Variants in STON1 observed in about 807,000 individuals in gnomAD.
STON1 encodes stonin-1.
In STON1, 79 loss-of-function variants were observed where a neutral mutation model predicts 60.9. The ratio of observed to expected loss-of-function variants is 1.30; its 90% CI spans 1.08 to 1.56. The LOEUF (loss-of-function observed/expected upper bound fraction) is 1.56, where lower values mean the gene tolerates loss of function less well. Among genes scored for constraint, STON1 ranks in the 40% most tolerant of loss-of-function variants. STON1 has a pLI of 0.00. For synonymous variants in STON1, 363 were observed against 306.9 expected, an observed-to-expected ratio of 1.18 and a Z score of -1.91; for missense variants, 1,166 against 858.9, an observed-to-expected ratio of 1.36 and a Z score of -4.47.
At chr2:48,552,888 A>T (rs1195173322) in intron 1 of STON1, among the ~76,000 whole-genome samples, 1 of 152,218 alleles carries the variant, frequency 6.6e-6, no homozygotes, top group East Asian at 1.9e-4. Context: ...ACAATTTAAT[A>T]TTTTCTCTTC....
At chr2:48,559,448 G>T (rs1384157244) in intron 1 of STON1, among the ~76,000 whole-genome samples, 1 of 152,068 alleles carries the variant, frequency 6.6e-6, no homozygotes, top group Non-Finnish European at 1.5e-5. Context: ...GGGCCTCTTT[G>T]ATAAAGACAC....
intron 1 of STON1, among the ~76,000 whole-genome samples, chr2:48,579,457 C>G (rs925855225): frequency 6.6e-6 from 1 of 152,036 alleles, no homozygotes; most frequent in African/African-American, 2.4e-5. Flanking sequence ...TTCTAATTTC[C>G]TTTTTTATTT....
intron 1 of STON1, among the ~76,000 whole-genome samples, chr2:48,559,081 T>A (rs1397638051): frequency 1.3e-5 from 2 of 152,164 alleles, no homozygotes; most frequent in African/African-American, 4.8e-5. Context: ...TCTGAAAACA[T>A]CTGAAATCTG....
At chr2:48,557,951 G>A (rs943000275) in intron 1 of STON1, among the ~76,000 whole-genome samples, 9 of 152,176 alleles carry the variant, frequency 5.9e-5, no homozygotes, top group African/African-American at 1.9e-4. Flanking sequence ...TGTCAGGTGC[G>A]GTGGCTCATG....
At position 48,591,704 on chromosome 2, in the gene STON1, A is replaced by C. The variant is rs1229703010; in HGVS notation, c.1982A>C (p.Gln661Pro). ...LSYKLELGSDQEIPSDWYPFA... is the reference protein window; with the variant it reads ...LSYKLELGSDPEIPSDWYPFA... ...TACAAATTAGAGCTTGGATCAGACC[A>C]AGAAATTCCCTCTGATTGGTATCCA... The change falls in exon 3 of 4, where the codon CAA becomes CCA. Residue 661 changes from glutamine to proline, a missense_variant. Gln to Pro is a moderately conservative substitution (Grantham distance 76, BLOSUM62 -1). Transcript: ENST00000404752. 1.9e-6 allele frequency: 3 copies of C among 1,614,176 alleles called. No individual in the cohort carries two copies. Among genetic ancestry groups the C allele is most frequent in the Non-Finnish European group, 8.5e-7 (1 of 1,180,026 alleles).
chr2:48,593,010 C>G (rs1674612805), intron 3 of STON1, among the ~76,000 whole-genome samples: 1 of 152,152 alleles, frequency 6.6e-6, no homozygotes. Flanking sequence ...TGTTTCTAAA[C>G]TTGTTTTCCC....
In STON1 at chr2:48,596,885, C is replaced by G. The variant is rs918862221; in HGVS notation, c.*1583C>G. On this transcript the variant is annotated 3_prime_UTR_variant, in exon 4 of 4. Transcript: ENST00000404752. ...ACTTTTTTTGAGACAGAGTCTCACT[C>G]TGTTGCCCAGCCTGGAGTGCAGTGT... 1 of 152,292 alleles carries G rather than the reference C, an allele frequency of 6.6e-6. No individual in the cohort carries two copies. The highest frequency in any genetic ancestry group is 1.9e-4 in the East Asian group (1 of 5,186). 9.4% of individuals were successfully genotyped at this position (152,292 alleles called of 1,614,324 possible). A position where few individuals can be genotyped will look rare whatever the true frequency, so the allele number is the denominator to read the frequency against.
At chr2:48,549,256 A>T (rs1224968560) in intron 1 of STON1, among the ~76,000 whole-genome samples, 1 of 152,212 alleles carries the variant, frequency 6.6e-6, no homozygotes, top group Non-Finnish European at 1.5e-5. Context: ...TTTTTCAAAG[A>T]AACTTTCAAG....
At chr2:48,572,544 G>C (rs1339090006) in intron 1 of STON1, among the ~76,000 whole-genome samples, 3 of 152,152 alleles carry the variant, frequency 2.0e-5, no homozygotes, top group East Asian at 1.9e-4. Context: ...CTTTTCTCCT[G>C]CTTATGGAAA....
chr2:48,572,172 C>G (rs185366343), intron 1 of STON1, among the ~76,000 whole-genome samples: 402 of 152,010 alleles, frequency 2.6e-3, no homozygotes, highest in Non-Finnish European at 4.9e-3. Context: ...CTGGAAAAAA[C>G]AAAAAGGATT....
At chr2:48,592,968 AGAT>A (rs1674610578) in intron 3 of STON1, among the ~76,000 whole-genome samples, 1 of 152,092 alleles carries the variant, frequency 6.6e-6, no homozygotes, top group African/African-American at 2.4e-5. Context: ...ATTCTTAGGC[AGAT>A]GAACTAAAGG....
At chr2:48,584,582 T>C (rs1046047690) in intron 2 of STON1, among the ~76,000 whole-genome samples, 42 of 151,346 alleles carry the variant, frequency 2.8e-4, no homozygotes, top group African/African-American at 9.9e-4. Flanking sequence ...CTGACTATAT[T>C]AGAATAACTT....
rs769953627 is a variant in STON1 at position 48,582,136 on chromosome 2, C to T, written c.1503C>T (p.Ile501=). Residue 501 remains isoleucine, a synonymous_variant, in exon 2 of 4, where the codon ATC becomes ATT. Transcript: ENST00000404752. ...TACAAGAATTTGAGCAATCAAGAAT[C>T]ATTAAGTTTGTACCTCTGGATGCCT... The part of the protein sequence containing the change: ...VNVQEFEQSR[I]IKFVPLDACR... 6.2e-7 allele frequency: 1 copy of T among 1,614,196 alleles called. No individual in the cohort carries two copies. Among genetic ancestry groups the T allele is most frequent in the Non-Finnish European group, 8.5e-7 (1 of 1,180,036 alleles).
chr2:48,564,549 CTTCTTCTTCTT>C (rs1672824579), intron 1 of STON1, among the ~76,000 whole-genome samples: 2 of 53,772 alleles, frequency 3.7e-5, no homozygotes, highest in Non-Finnish European at 7.6e-5. Flanking sequence ...TCTTCTTCTT[CTTCTTCTTCTT>C]CTTCTTCTCC....
Position 48,581,169 on chromosome 2 carries a change from A to T in STON1, c.536A>T (p.Asp179Val). 6.5e-7 allele frequency: 1 copy of T among 1,545,656 alleles called. No homozygotes were observed. The highest frequency in any genetic ancestry group is 8.7e-7 in the Non-Finnish European group (1 of 1,153,354). ...CCCCAGTTTCAGTATTTTCGAGAGG[A>T]CTGTGCTTTTTCAAGTCCATTTTGG... ...DLPQFQYFRE[D>V]CAFSSPFWKD... is the part of the protein sequence containing the mutation. The change falls in exon 2 of 4, where the codon GAC (aspartate) becomes GTC (valine). Residue 179 changes from aspartate to valine, a missense_variant. Asp to Val is a radical substitution (Grantham distance 152). Coordinates refer to ENST00000404752, the MANE Select transcript of STON1 (RefSeq NM_006873.4).
chr2:48,548,712 C>A (rs1318654592), intron 1 of STON1, among the ~76,000 whole-genome samples: 3 of 152,038 alleles, frequency 2.0e-5, no homozygotes, highest in African/African-American at 7.2e-5. Context: ...GTTGCCCAGG[C>A]TGGTCTTGAA....
intron 1 of STON1, among the ~76,000 whole-genome samples, chr2:48,559,244 C>G (rs866307776): frequency 6.6e-6 from 1 of 152,150 alleles, no homozygotes; most frequent in Non-Finnish European, 1.5e-5. Context: ...GTCTTACTCC[C>G]TTGAGCTTGC....
chr2:48,550,338 A>G lies in STON1; in HGVS notation c.-48+20122A>G, dbSNP rs1415176887. Among the ~76,000 whole-genome samples the G allele has an allele frequency of 2.0e-5, 3 of 152,008 alleles. No homozygotes were observed. In the East Asian group the frequency reaches 5.8e-4, roughly 30 times the overall value. ...CATGGTGAAACCCTCTCTCTGCTAA[A>G]TACAAAAAATTAGCTGGGCATGGTG... On this transcript the variant is annotated intron_variant, in intron 1 of 3. Coordinates refer to ENST00000404752, the MANE Select transcript of STON1 (RefSeq NM_006873.4).
chr2:48,592,485 G>C (rs1331381071), intron 3 of STON1, among the ~76,000 whole-genome samples: 1 of 151,106 alleles, frequency 6.6e-6, no homozygotes, highest in Non-Finnish European at 1.5e-5. Context: ...AGGCTGGAGT[G>C]CAGTGGCATT....
Sources: allele counts gnomAD v4.1 joint callset (sites outside exome capture counted in the v4.1 genomes callset), GRCh38; gene constraint gnomAD v4.1.1; transcripts MANE v1.5; gene names NCBI Gene and HGNC (gene_info 2026-07-23, HGNC 2026-07-21).